Variants in ACP6 observed in about 807,000 individuals in gnomAD.
The protein encoded by ACP6 is acid phosphatase 6, lysophosphatidic, also known as lysophosphatidic acid phosphatase type 6.
A neutral mutation model predicts 48.1 loss-of-function variants in ACP6; 48 were observed. The ratio of observed to expected loss-of-function variants is 1.00; its 90% confidence interval spans 0.79 to 1.27. The LOEUF (loss-of-function observed/expected upper bound fraction) is 1.27, where lower values mean the gene tolerates loss of function less well. Ranked by LOEUF, ACP6 falls within the 50% of genes most tolerant of loss-of-function variation. The pLI is 0.00. For missense variants in ACP6, 485 were observed against 529.1 expected, an observed-to-expected ratio of 0.92 and a Z score of 0.82; for synonymous variants, 172 against 204.2, an observed-to-expected ratio of 0.84 and a Z score of 1.34.
chr1:147,661,534 GAC>G (rs1335005114), intron 1 of ACP6, among the ~76,000 whole-genome samples: 1 of 152,026 alleles, frequency 6.6e-6, no homozygotes, highest in African/African-American at 2.4e-5. Context: ...TATTTCCTGA[GAC>G]ACAACAATAT....
intron 1 of ACP6, among the ~76,000 whole-genome samples, chr1:147,665,951 C>A (rs1419378130): frequency 1.3e-5 from 2 of 152,174 alleles, no homozygotes; most frequent in African/African-American, 4.8e-5. Context: ...GTATACCCCT[C>A]TTCAAGGGGT....
intron 8 of ACP6, among the ~76,000 whole-genome samples, chr1:147,648,666 T>C (rs1659756486): frequency 6.6e-6 from 1 of 152,120 alleles, no homozygotes; most frequent in African/African-American, 2.4e-5. Flanking sequence ...CACTCCTCCC[T>C]GGTGAGTTTC....
chr1:147,659,880 T>C (rs1383366561), intron 1 of ACP6, 105 bp from the exon 2 acceptor site: 2 of 1,373,376 alleles, frequency 1.5e-6, no homozygotes, highest in African/African-American at 1.4e-5. Context: ...TCACTGACAC[T>C]AGGCCTGCAA....
In ACP6 at chr1:147,669,901, A is replaced by G; in HGVS notation, c.148T>C (p.Leu50=). ...QCPVDRSLLK[L]KMVQVVFRHG... Reference sequence around the variant, plus strand: ...CGAAACACGACCTGCACCATTTTCAACTTCAGCAGGCTGCGGTCGACCGGA... The same window carrying G: ...CGAAACACGACCTGCACCATTTTCAGCTTCAGCAGGCTGCGGTCGACCGGA... The change falls in exon 1 of 10, where the codon TTG becomes CTG. Residue 50 remains leucine, a synonymous_variant. Transcript: ENST00000583509. The G allele has an allele frequency of 6.3e-7, 1 of 1,599,894 alleles. No individual in the cohort carries two copies. Among genetic ancestry groups the G allele is most frequent in the Non-Finnish European group, 8.5e-7 (1 of 1,173,928 alleles).
intron 1 of ACP6, among the ~76,000 whole-genome samples, chr1:147,665,683 C>T (rs1345673247): frequency 6.6e-6 from 1 of 152,204 alleles, no homozygotes; most frequent in Non-Finnish European, 1.5e-5. Context: ...GGGCCTGACA[C>T]AAAGCTCCAC....
chr1:147,629,897 ACTTT>A (rs1257887127), exon 6 of ACP6: 1 of 152,160 alleles, frequency 6.6e-6, no homozygotes, highest in Non-Finnish European at 1.5e-5. Context: ...TCAGCTGTTA[ACTTT>A]CTGTCTCAGT....
chr1:147,650,441 A>G, intron 7 of ACP6: 2 of 503,560 alleles, frequency 4.0e-6, no homozygotes, highest in Non-Finnish European at 6.9e-6. Flanking sequence ...ACTCCCAACA[A>G]CACAGGCACC....
intron 7 of ACP6, 44 bp downstream of exon 7, chr1:147,652,405 G>T: frequency 6.4e-7 from 1 of 1,564,898 alleles, no homozygotes; most frequent in Non-Finnish European, 8.7e-7. Flanking sequence ...ACACTTGGAT[G>T]TCTGACCAAG....
At chr1:147,659,575 G>C in intron 2 of ACP6, 49 bp from the exon 3 acceptor site, 1 of 1,613,730 alleles carries the variant, frequency 6.2e-7, no homozygotes, top group East Asian at 2.2e-5. Flanking sequence ...CTGACAGCCT[G>C]CTGAACTCAG....
Position 147,652,369 on chromosome 1 carries a change from G to A in ACP6, c.881+80C>T, listed in dbSNP as rs1570956825. 3.6e-6 allele frequency: 5 copies of A among 1,380,340 alleles called. No homozygotes were observed. In the East Asian group the frequency reaches 7.1e-5, roughly 19 times the overall value. The allele number at this position is 1,380,340 out of a possible 1,614,324, so 85.5% of individuals were successfully genotyped here. A position where few individuals can be genotyped will look rare whatever the true frequency, so the allele number is the denominator to read the frequency against. ...GAGACATCAGCTGTCAGGTGTGAGT[G>A]GGCCTGATGAACTCCTCTTCCCCAT... On this transcript the variant is annotated intron_variant, in intron 7 of 9. Coordinates refer to ENST00000583509, the MANE Select transcript of ACP6 (RefSeq NM_016361.5).
chr1:147,659,123 G>T (rs1467518456), intron 3 of ACP6, 84 bp from the exon 4 acceptor site: 2 of 1,290,258 alleles, frequency 1.6e-6, no homozygotes, highest in African/African-American at 1.5e-5. Context: ...ACGCTCCAGG[G>T]GTCTTTCAAG....
At chr1:147,659,573 C>T (rs782154110) in intron 2 of ACP6, 47 bp from the exon 3 acceptor site, 1 of 1,613,724 alleles carries the variant, frequency 6.2e-7, no homozygotes, top group South Asian at 1.1e-5. Context: ...ACCTGACAGC[C>T]TGCTGAACTC....
At chr1:147,659,207 G>T (rs11240096) in intron 3 of ACP6, 168 bp from the exon 4 acceptor site, 115,257 of 1,025,552 alleles carry the variant, frequency 0.11, 8,004 homozygotes, top group East Asian at 0.33. Context: ...TGAGAGACTC[G>T]AAGTGCAATG....
intron 9 of ACP6, chr1:147,647,868 T>G: frequency 2.0e-6 from 1 of 492,126 alleles, no homozygotes; most frequent in Non-Finnish European, 3.6e-6. Context: ...ACCCCAGCCC[T>G]GATGAAGCAG....
In ACP6 at chr1:147,670,299, G is replaced by T. The variant is rs1440722538; in HGVS notation, c.-251C>A. The T allele has an allele frequency of 4.7e-6, 2 of 429,780 alleles. No individual in the cohort carries two copies. The highest frequency in any genetic ancestry group is 8.4e-6 in the Non-Finnish European group (2 of 237,886). 26.6% of individuals were successfully genotyped at this position (429,780 alleles called of 1,614,324 possible). ...GTTTTAACCCGGGTCGGGGTTGGTC[G>T]CTCCTGCTGCACACCGGGCCGGGGG... is the stretch of plus-strand genomic sequence containing the variant. On this transcript the variant is annotated 5_prime_UTR_variant, in exon 1 of 10. Coordinates refer to ENST00000583509, the MANE Select transcript of ACP6 (RefSeq NM_016361.5).
At chr1:147,669,688 C>T (rs2185438) in intron 1 of ACP6, 142 bp downstream of exon 1, 287,957 of 813,456 alleles carry the variant, frequency 0.35, 57,128 homozygotes, top group East Asian at 0.68. Flanking sequence ...GAGTCACTGG[C>T]TACTGCTGTT....
At chr1:147,635,869 A>T (rs192635469) in intron 5 of ACP6, among the ~76,000 whole-genome samples, 2 of 152,350 alleles carry the variant, frequency 1.3e-5, no homozygotes, top group East Asian at 3.9e-4. Flanking sequence ...GGAAGAAAAC[A>T]GAAATGATCT....
intron 5 of ACP6, among the ~76,000 whole-genome samples, chr1:147,654,567 T>G (rs1214509775): frequency 1.3e-5 from 2 of 152,202 alleles, no homozygotes; most frequent in Non-Finnish European, 2.9e-5. Context: ...CAAATCTCAC[T>G]CTAGCATTTG....
chr1:147,645,546 A>T lies in ACP6; in HGVS notation c.*1877T>A, dbSNP rs1457483499. The stretch of plus-strand genomic sequence containing the variant: ...TCGAGAAATTGGAGGAAAACCAAGA[A>T]AGCATTTGTCGAAGCCAGTGAAGGA... On this transcript the variant is annotated 3_prime_UTR_variant, in exon 10 of 10. Coordinates refer to ENST00000583509, the MANE Select transcript of ACP6 (RefSeq NM_016361.5). The T allele has an allele frequency of 6.6e-6, 1 of 152,262 alleles. No homozygotes were observed. The highest frequency in any genetic ancestry group is 2.4e-5 in the African/African-American group (1 of 41,470). 9.4% of individuals were successfully genotyped at this position (152,262 alleles called of 1,614,324 possible).
Sources: allele counts gnomAD v4.1 joint callset (sites outside exome capture counted in the v4.1 genomes callset), GRCh38; gene constraint gnomAD v4.1.1; transcripts MANE v1.5; gene names NCBI Gene and HGNC (gene_info 2026-07-23, HGNC 2026-07-21).